SHTN1: variants seen among roughly 807,000 people sequenced by gnomAD.
SHTN1 encodes the protein shootin-1.
Under a neutral mutation model 83.1 loss-of-function variants are expected in SHTN1, and 42 were observed. The ratio of observed to expected loss-of-function variants is 0.51; its 90% CI spans 0.39 to 0.65. SHTN1 has a LOEUF of 0.65. Ranked by LOEUF, SHTN1 falls within the 30% of genes least tolerant of loss-of-function variation. The pLI, the probability that SHTN1 is intolerant of heterozygous loss-of-function variation, is 0.00. For synonymous variants in SHTN1, 224 were observed against 247.7 expected (o/e 0.90, Z 0.90); for missense variants, 622 against 737.8 (o/e 0.84, Z 1.82).
chr10:116,924,921 A>AT lies in SHTN1; in HGVS notation c.1112+2870dup, dbSNP rs1204923621. Among the ~76,000 whole-genome samples, 8 of 151,292 alleles carry AT rather than the reference A, an allele frequency of 5.3e-5. 1 individual carries two copies. The highest frequency in any genetic ancestry group is 1.3e-4 in the Admixed American group (2 of 15,186). On this transcript the variant is annotated intron_variant, in intron 11 of 16. Transcript: ENST00000355371. ...TACAGGCACCCACCACGCCTGGCTA[A>AT]TTTTTTTTGTATTTTTAGTAGAGAC... is the stretch of plus-strand genomic sequence containing the variant.
intron 14 of SHTN1, among the ~76,000 whole-genome samples, chr10:116,906,984 T>C (rs1847993329): frequency 1.3e-5 from 2 of 152,206 alleles, no homozygotes; most frequent in African/African-American, 2.4e-5. Context: ...AGAAGAACAG[T>C]ACAAGAACAC....
At chr10:116,954,254 G>T in intron 4 of SHTN1, 44 bp from the exon 5 acceptor site, 1 of 1,320,516 alleles carries the variant, frequency 7.6e-7, no homozygotes, top group Non-Finnish European at 1.0e-6. Flanking sequence ...GCAGCCAAAT[G>T]AGTATCTTGG....
At chr10:116,949,216 A>G (rs1310924940) in intron 6 of SHTN1, among the ~76,000 whole-genome samples, 1 of 152,176 alleles carries the variant, frequency 6.6e-6, no homozygotes, top group East Asian at 1.9e-4. Flanking sequence ...GAACTTATTT[A>G]TATATTCCAG....
intron 2 of SHTN1, among the ~76,000 whole-genome samples, chr10:117,019,833 A>AT (rs1416166051): frequency 6.6e-6 from 1 of 151,894 alleles, no homozygotes; most frequent in Non-Finnish European, 1.5e-5. Flanking sequence ...TCTCAAAAAA[A>AT]AAAAAAAGAG....
At chr10:116,894,891 C>G (rs1847461859) in intron 16 of SHTN1, among the ~76,000 whole-genome samples, 1 of 152,178 alleles carries the variant, frequency 6.6e-6, no homozygotes, top group Non-Finnish European at 1.5e-5. Context: ...TAAGCCTCTG[C>G]CTGACTGTGA....
At chr10:117,019,003 T>C (rs1852224321) in intron 2 of SHTN1, among the ~76,000 whole-genome samples, 1 of 152,080 alleles carries the variant, frequency 6.6e-6, no homozygotes, top group Non-Finnish European at 1.5e-5. Flanking sequence ...TAATTATACA[T>C]ATAGAAAAAC....
chr10:116,977,689 T>TGTG (rs35991700), intron 2 of SHTN1, among the ~76,000 whole-genome samples: 4 of 150,356 alleles, frequency 2.7e-5, no homozygotes, highest in Non-Finnish European at 4.4e-5. Flanking sequence ...TGTGTGTGTG[T>TGTG]TTTGAGACAA....
intron 13 of SHTN1, among the ~76,000 whole-genome samples, chr10:116,915,049 T>A (rs1157565636): frequency 1.3e-5 from 2 of 152,170 alleles, no homozygotes; most frequent in Non-Finnish European, 2.9e-5. Context: ...TAGCAGATAA[T>A]CAGTAGAATC....
chr10:117,109,552 A>ATTTT lies in SHTN1; in HGVS notation c.-189+16754_-189+16755insAAAA, dbSNP rs1564962314. Among the ~76,000 whole-genome samples, 14 of 16,570 alleles carry ATTTT rather than the reference A, an allele frequency of 8.4e-4. 1 individual carries two copies. The highest frequency in any genetic ancestry group is 7.5e-3 in the East Asian group (5 of 670). The allele number at this position is 16,570 out of a possible 152,430, so 10.9% of individuals were successfully genotyped here. A position where few individuals can be genotyped will look rare whatever the true frequency, so the allele number is the denominator to read the frequency against. ...TTTTCCAAAGGCATTAACATATATTACTTTTTTTTTTTTTTTTTTTTTTTT... is the reference window on the plus strand; with the variant it reads ...TTTTCCAAAGGCATTAACATATATTATTTTCTTTTTTTTTTTTTTTTTTTTTTTT... On this transcript the variant is annotated intron_variant, in intron 1 of 17. Transcript: ENST00000392901.
At chr10:116,899,546 T>TGTGTGTGTGTGTGTGTGTGTGTGTGA (rs1311755308) in intron 16 of SHTN1, among the ~76,000 whole-genome samples, 4 of 123,802 alleles carry the variant, frequency 3.2e-5, no homozygotes, top group African/African-American at 1.2e-4. Context: ...TGTGTGTGTG[T>TGTGTGTGTGTGTGTGTGTGTGTGTGA]GAGAGAGTGC....
At chr10:116,910,823 G>A (rs1210869495) in intron 14 of SHTN1, among the ~76,000 whole-genome samples, 1 of 152,170 alleles carries the variant, frequency 6.6e-6, no homozygotes, top group Non-Finnish European at 1.5e-5. Context: ...TATTCTGTAG[G>A]TAGGCCACCA....
intron 1 of SHTN1, among the ~76,000 whole-genome samples, chr10:117,055,942 A>G (rs371192921): frequency 6.6e-6 from 1 of 152,200 alleles, no homozygotes; most frequent in African/African-American, 2.4e-5. Context: ...TTTTAAGCCA[A>G]AAGAGATAAT....
intron 10 of SHTN1, among the ~76,000 whole-genome samples, chr10:116,928,882 G>A (rs1248275971): frequency 6.6e-6 from 1 of 152,122 alleles, no homozygotes; most frequent in African/African-American, 2.4e-5. Flanking sequence ...TACACACACA[G>A]CAGATAATAA....
At chr10:116,898,236 G>A (rs1847591594) in intron 16 of SHTN1, among the ~76,000 whole-genome samples, 1 of 151,882 alleles carries the variant, frequency 6.6e-6, no homozygotes, top group African/African-American at 2.4e-5. Context: ...GCTGAGGCAA[G>A]AGAATCGCTT....
intron 1 of SHTN1, among the ~76,000 whole-genome samples, chr10:117,073,132 G>A (rs940469360): frequency 3.3e-5 from 5 of 152,098 alleles, no homozygotes; most frequent in African/African-American, 1.2e-4. Flanking sequence ...CAAAGACAAG[G>A]TCTTCGAATT....
chr10:117,013,428 C>T (rs1488238445), intron 2 of SHTN1, among the ~76,000 whole-genome samples: 1 of 152,146 alleles, frequency 6.6e-6, no homozygotes, highest in African/African-American at 2.4e-5. Context: ...CCCACCTCGG[C>T]CTCCCAAAGT....
At chr10:116,906,523 A>G in intron 15 of SHTN1, 104 bp downstream of exon 15, 1 of 1,187,020 alleles carries the variant, frequency 8.4e-7, no homozygotes, top group Non-Finnish European at 1.1e-6. Context: ...AAAAACAAAT[A>G]TTTTAATAAT....
intron 1 of SHTN1, among the ~76,000 whole-genome samples, chr10:117,101,126 T>C (rs1243178118): frequency 6.6e-6 from 1 of 151,350 alleles, no homozygotes; most frequent in Non-Finnish European, 1.5e-5. Context: ...AGAGAAGGAG[T>C]TGAAATAGGG....
Position 116,926,613 on chromosome 10 carries a change from T to A in SHTN1, c.1112+1179A>T, listed in dbSNP as rs369197199. On this transcript the variant is annotated intron_variant, in intron 11 of 16. Transcript: ENST00000355371. ...TCATAGTTGTGTGGGAGGAACATGC[T>A]ACGCATTCTATTCAGATGGATCAGC... 9.8e-4 allele frequency among the ~76,000 whole-genome samples: 149 copies of A among 152,158 alleles called. 1 individual carries two copies. The highest frequency in any genetic ancestry group is 3.4e-3 in the African/African-American group (143 of 41,506).
Sources: allele counts gnomAD v4.1 joint callset (sites outside exome capture counted in the v4.1 genomes callset), GRCh38; gene constraint gnomAD v4.1.1; transcripts MANE v1.5; gene names NCBI Gene and HGNC (gene_info 2026-07-23, HGNC 2026-07-21).